Variants in SPECC1L observed in about 807,000 individuals in gnomAD.
SPECC1L encodes the protein sperm antigen with calponin homology and coiled-coil domains 1 like.
A neutral mutation model predicts 116.8 loss-of-function variants in SPECC1L; 40 were observed. The ratio of observed to expected loss-of-function variants is 0.34; its 90% confidence interval spans 0.27 to 0.45. The LOEUF (loss-of-function observed/expected upper bound fraction) is 0.45, where lower values mean the gene tolerates loss of function less well. Ranked by LOEUF, SPECC1L falls within the 20% of genes least tolerant of loss-of-function variation. The pLI is 1.00. For missense variants in SPECC1L, 1,110 were observed against 1,373.6 expected (o/e 0.81, Z 3.03); for synonymous variants, 504 against 500.6 (o/e 1.01, Z -0.09).
At position 24,322,324 on chromosome 22, in the gene SPECC1L, T is replaced by C. The variant is rs1219027850; in HGVS notation, c.1344T>C (p.Ser448=). The change falls in exon 5 of 17, where the codon TCT becomes TCC. Residue 448 remains serine, a synonymous_variant. Coordinates refer to ENST00000314328, the MANE Select transcript of SPECC1L (RefSeq NM_015330.6). ...AAGAGAAGGTTATTCTGATGGAGTC[T>C]TTATGTCAGCAGAGCGATAAGTTGG... ...LGEEKVILME[S]LCQQSDKLEH... 6.2e-7 allele frequency: 1 copy of C among 1,614,218 alleles called. No homozygotes were observed. Among genetic ancestry groups the C allele is most frequent in the South Asian group, 1.1e-5 (1 of 91,082 alleles).
At chr22:24,341,943 T>C (rs2041185426) in intron 10 of SPECC1L, among the ~76,000 whole-genome samples, 1 of 152,200 alleles carries the variant, frequency 6.6e-6, no homozygotes, top group African/African-American at 2.4e-5. Flanking sequence ...ATCCTCGAGA[T>C]AACTGCAGCC....
chr22:24,348,935 C>G (rs1245477590), intron 11 of SPECC1L, among the ~76,000 whole-genome samples: 1 of 152,236 alleles, frequency 6.6e-6, no homozygotes, highest in East Asian at 1.9e-4. Flanking sequence ...CTGTTGAGCA[C>G]TCTGTCTTCT....
chr22:24,398,494 C>G (rs1001613390), intron 14 of SPECC1L, among the ~76,000 whole-genome samples: 49 of 152,284 alleles, frequency 3.2e-4, no homozygotes, highest in African/African-American at 1.2e-3. Flanking sequence ...ACATGGCTTT[C>G]AAATCAGTAT....
intron 11 of SPECC1L, among the ~76,000 whole-genome samples, chr22:24,354,377 T>C (rs1044010656): frequency 2.6e-5 from 4 of 152,236 alleles, no homozygotes; most frequent in African/African-American, 9.6e-5. Flanking sequence ...ATTCCATCTG[T>C]AAGGAATTAT....
rs141992816 is a variant in SPECC1L, at chr22:24,318,822, G to A, written c.308-2466G>A. ...CGTGTGCTTGTAGTCCTAGCTACTC[G>A]GGTGGCTGAGGTGGGAGGATCACCT... On this transcript the variant is annotated intron_variant, in intron 4 of 16. Coordinates refer to ENST00000314328, the MANE Select transcript of SPECC1L (RefSeq NM_015330.6). Among the ~76,000 whole-genome samples, 761 of 151,772 alleles carry A rather than the reference G, an allele frequency of 5.0e-3. 4 individuals are homozygous for A. Among genetic ancestry groups the A allele is most frequent in the African/African-American group, 0.017 (711 of 41,388 alleles).
rs570492053 is a variant in SPECC1L, at chr22:24,340,443, A to T, written c.2652+1966A>T. ...ATTACAGGCGTGAGCCACTGTGCGC[A>T]GCTGATTTAATGCTTTTTTTATGTG... On this transcript the variant is annotated intron_variant, in intron 10 of 16. Coordinates refer to ENST00000314328, the MANE Select transcript of SPECC1L (RefSeq NM_015330.6). Among the ~76,000 whole-genome samples the T allele has an allele frequency of 2.6e-5, 4 of 152,252 alleles. No homozygotes were observed. The East Asian group carries it at 7.7e-4, about 29-fold the overall frequency.
At chr22:24,304,383 C>G (rs1391886963) in intron 3 of SPECC1L, 3 of 152,224 alleles carry the variant, frequency 2.0e-5, no homozygotes, top group Non-Finnish European at 4.4e-5. Context: ...AGGGGAAGGA[C>G]TCTTTTGATC....
Position 24,414,628 on chromosome 22 carries a change from G to T in SPECC1L, c.*5G>T, listed in dbSNP as rs774819100. On this transcript the variant is annotated 3_prime_UTR_variant, in exon 17 of 17. Coordinates refer to ENST00000314328, the MANE Select transcript of SPECC1L (RefSeq NM_015330.6). The stretch of plus-strand genomic sequence containing the variant: ...TACAAGTACTTTGAGACCTGAGCAT[G>T]CCGGGAGGAGCCGCCCCAATAGCGG... The T allele has an allele frequency of 1.2e-6, 2 of 1,613,210 alleles. No homozygotes were observed. Among genetic ancestry groups the T allele is most frequent in the East Asian group, 4.5e-5 (2 of 44,882 alleles).
chr22:24,399,397 C>T (rs1193274408), intron 14 of SPECC1L, among the ~76,000 whole-genome samples: 1 of 152,038 alleles, frequency 6.6e-6, no homozygotes, highest in Admixed American at 6.6e-5. Context: ...GGTGAAACTC[C>T]ATCTTTACTA....
chr22:24,386,203 A>G (rs929105963), intron 14 of SPECC1L, among the ~76,000 whole-genome samples: 3 of 152,148 alleles, frequency 2.0e-5, no homozygotes, highest in Non-Finnish European at 2.9e-5. Flanking sequence ...ATCTACAAAA[A>G]ATATTTATAG....
At chr22:24,388,251 G>A (rs1233648511) in intron 14 of SPECC1L, among the ~76,000 whole-genome samples, 2 of 104,694 alleles carry the variant, frequency 1.9e-5, no homozygotes, top group East Asian at 5.5e-4. Flanking sequence ...CCCCACAACA[G>A]GCCCCTGTGT....
intron 2 of SPECC1L, among the ~76,000 whole-genome samples, chr22:24,301,629 A>T (rs982254382): frequency 6.6e-6 from 1 of 152,140 alleles, no homozygotes; most frequent in African/African-American, 2.4e-5. Context: ...TTGTATGGGT[A>T]CTCTAATGTA....
At chr22:24,329,704 G>C (rs1459287549) in intron 7 of SPECC1L, among the ~76,000 whole-genome samples, 2 of 152,200 alleles carry the variant, frequency 1.3e-5, no homozygotes, top group Non-Finnish European at 2.9e-5. Context: ...GGAAGCAACA[G>C]ACCACGTAGT....
At chr22:24,317,923 G>C (rs949617546) in intron 4 of SPECC1L, among the ~76,000 whole-genome samples, 8 of 151,794 alleles carry the variant, frequency 5.3e-5, no homozygotes, top group Non-Finnish European at 1.2e-4. Flanking sequence ...CTCAGATGAT[G>C]GGCGGCCGGG....
intron 14 of SPECC1L, among the ~76,000 whole-genome samples, chr22:24,375,322 T>C (rs2041950925): frequency 6.6e-6 from 1 of 152,198 alleles, no homozygotes; most frequent in Non-Finnish European, 1.5e-5. Context: ...TAACTCATTC[T>C]GTGAGGCCAT....
chr22:24,389,373 C>A (rs902496798), intron 14 of SPECC1L, among the ~76,000 whole-genome samples: 1 of 152,076 alleles, frequency 6.6e-6, no homozygotes, highest in African/African-American at 2.4e-5. Flanking sequence ...CCTCAACCCC[C>A]CAAAGTGCTG....
At chr22:24,343,984 A>G (rs2041236553) in intron 10 of SPECC1L, among the ~76,000 whole-genome samples, 1 of 152,194 alleles carries the variant, frequency 6.6e-6, no homozygotes, top group African/African-American at 2.4e-5. Context: ...GGCTTCCCAC[A>G]TAGAAAACTC....
chr22:24,310,652 A>G (rs1477108375), intron 3 of SPECC1L, among the ~76,000 whole-genome samples: 1 of 149,698 alleles, frequency 6.7e-6, no homozygotes, highest in Non-Finnish European at 1.5e-5. Flanking sequence ...CATTTTGTTC[A>G]TTTTTCTGTC....
chr22:24,366,253 C>T (rs968580958), intron 13 of SPECC1L, among the ~76,000 whole-genome samples: 22 of 151,722 alleles, frequency 1.5e-4, no homozygotes, highest in African/African-American at 3.9e-4. Flanking sequence ...AGTGCAGTGG[C>T]GCGATCTCGG....
Sources: gnomAD v4.1 joint callset for allele counts (sites outside exome capture counted in the v4.1 genomes callset) on GRCh38, gnomAD v4.1.1 for gene constraint, MANE v1.5 for transcripts, NCBI Gene and HGNC (gene_info 2026-07-23, HGNC 2026-07-21) for gene names.